Variants in TAOK3 observed in about 807,000 individuals in gnomAD.
TAOK3 encodes the protein TAO kinase 3.
In TAOK3, 40 loss-of-function variants were observed where a neutral mutation model predicts 120.4. The ratio of observed to expected loss-of-function variants is 0.33; its 90% confidence interval spans 0.26 to 0.43. The LOEUF (loss-of-function observed/expected upper bound fraction) is 0.43. TAOK3 is among the 20% of genes least tolerant of loss of function. The probability of loss-of-function intolerance (pLI) is 1.00; values close to 1 mark genes in which losing one functional copy is unlikely to be tolerated. For missense variants in TAOK3, 821 were observed against 1,112.1 expected (o/e 0.74, Z 3.72); for synonymous variants, 355 against 387.5 (o/e 0.92, Z 0.99).
At chr12:118,217,841 A>ACACTTTTTTTTTTTTT (rs2039006171) in intron 9 of TAOK3, among the ~76,000 whole-genome samples, 1 of 106,130 alleles carries the variant, frequency 9.4e-6, no homozygotes, top group African/African-American at 3.3e-5. Flanking sequence ...ATATATATAT[A>ACACTTTTTTTTTTTTT]TATATATATA....
chr12:118,295,304 G>T (rs2042637255), intron 1 of TAOK3: 1 of 152,262 alleles, frequency 6.6e-6, no homozygotes, highest in South Asian at 2.1e-4. Context: ...CTCCCAAAGT[G>T]CTGGGATTAC....
intron 1 of TAOK3, among the ~76,000 whole-genome samples, chr12:118,287,855 A>G (rs1359733950): frequency 6.6e-6 from 1 of 152,160 alleles, no homozygotes; most frequent in Non-Finnish European, 1.5e-5. Flanking sequence ...AAACACCTTT[A>G]GCCTCTGCAA....
At chr12:118,223,324 G>T (rs2039339454) in intron 9 of TAOK3, among the ~76,000 whole-genome samples, 1 of 151,098 alleles carries the variant, frequency 6.6e-6, no homozygotes, top group Non-Finnish European at 1.5e-5. Flanking sequence ...CTCCCAAAGT[G>T]CTGGGATTAC....
intron 9 of TAOK3, among the ~76,000 whole-genome samples, chr12:118,217,864 CTTTT>C (rs535188319): frequency 2.5e-5 from 1 of 40,720 alleles, no homozygotes; most frequent in South Asian, 1.3e-3. Context: ...TATATATACA[CTTTT>C]TTTTTTTTTT....
At chr12:118,276,412 T>C (rs2041904138) in intron 1 of TAOK3, among the ~76,000 whole-genome samples, 3 of 152,116 alleles carry the variant, frequency 2.0e-5, no homozygotes, top group Admixed American at 2.0e-4. Context: ...TTTATAAAAC[T>C]GTAATATGGC....
chr12:118,221,383 C>A (rs962593558), intron 9 of TAOK3, among the ~76,000 whole-genome samples: 2 of 152,014 alleles, frequency 1.3e-5, no homozygotes, highest in Non-Finnish European at 2.9e-5. Context: ...GCCACTGTGC[C>A]CAGCTAATTT....
At chr12:118,152,967 TA>T (rs1171381322) in intron 19 of TAOK3, among the ~76,000 whole-genome samples, 1 of 152,248 alleles carries the variant, frequency 6.6e-6, no homozygotes, top group Non-Finnish European at 1.5e-5. Flanking sequence ...ATCATTTAGA[TA>T]TGCTTAGCTC....
At chr12:118,226,394 C>T (rs983501736) in intron 9 of TAOK3, among the ~76,000 whole-genome samples, 61 of 151,536 alleles carry the variant, frequency 4.0e-4, no homozygotes, top group African/African-American at 1.4e-3. Context: ...ATTAGCCGGG[C>T]GTGGTGGCAG....
chr12:118,353,669 C>G (rs1272242225), intron 1 of TAOK3, among the ~76,000 whole-genome samples: 1 of 152,040 alleles, frequency 6.6e-6, no homozygotes, highest in African/African-American at 2.4e-5. Flanking sequence ...CAACAAGGGT[C>G]TGAATGGGAA....
chr12:118,282,279 T>C (rs1437762881), intron 1 of TAOK3, among the ~76,000 whole-genome samples: 1 of 152,250 alleles, frequency 6.6e-6, no homozygotes, highest in Non-Finnish European at 1.5e-5. Flanking sequence ...ACTCCAAGTA[T>C]GTAGTAGGTA....
At chr12:118,225,667 A>C (rs2039466877) in intron 9 of TAOK3, among the ~76,000 whole-genome samples, 1 of 152,200 alleles carries the variant, frequency 6.6e-6, no homozygotes, top group South Asian at 2.1e-4. Flanking sequence ...ACGATTTTAT[A>C]ATATGTATAA....
At chr12:118,309,601 C>T (rs1353937865) in intron 1 of TAOK3, among the ~76,000 whole-genome samples, 1 of 151,862 alleles carries the variant, frequency 6.6e-6, no homozygotes, top group Non-Finnish European at 1.5e-5. Flanking sequence ...CTGCAACCTC[C>T]GCCTTCCGGG....
At chr12:118,241,213 T>C (rs1170104517) in intron 5 of TAOK3, among the ~76,000 whole-genome samples, 1 of 151,344 alleles carries the variant, frequency 6.6e-6, no homozygotes, top group Non-Finnish European at 1.5e-5. Context: ...AACCATACTA[T>C]AGTTTTCTGC....
At chr12:118,167,087 A>G (rs571731155) in intron 17 of TAOK3, among the ~76,000 whole-genome samples, 1 of 152,320 alleles carries the variant, frequency 6.6e-6, no homozygotes, top group Admixed American at 6.5e-5. Flanking sequence ...CTGTCAGCCT[A>G]TGACATTTAA....
intron 1 of TAOK3, among the ~76,000 whole-genome samples, chr12:118,319,416 C>T (rs755307556): frequency 4.0e-5 from 6 of 151,260 alleles, no homozygotes; most frequent in Non-Finnish European, 7.4e-5. Flanking sequence ...TTTAGATAAT[C>T]TAAAATTGTT....
At chr12:118,315,349 A>C (rs2043417970) in intron 1 of TAOK3, among the ~76,000 whole-genome samples, 1 of 152,252 alleles carries the variant, frequency 6.6e-6, no homozygotes, top group African/African-American at 2.4e-5. Flanking sequence ...GCTAAATATA[A>C]ATTTATCAAT....
At chr12:118,170,967 G>A (rs2035962759) in intron 17 of TAOK3, among the ~76,000 whole-genome samples, 1 of 152,088 alleles carries the variant, frequency 6.6e-6, no homozygotes, top group East Asian at 1.9e-4. Context: ...CCCTCATGTA[G>A]GCTAACACTG....
At chr12:118,234,401 T>A (rs1008729901) in intron 8 of TAOK3, among the ~76,000 whole-genome samples, 3 of 151,554 alleles carry the variant, frequency 2.0e-5, no homozygotes, top group African/African-American at 7.3e-5. Flanking sequence ...CCTGCCACCA[T>A]GCCTGACTAA....
intron 9 of TAOK3, 149 bp from the exon 10 acceptor site, chr12:118,214,259 T>C (rs2038772907): frequency 1.6e-6 from 1 of 608,418 alleles, no homozygotes; most frequent in Non-Finnish European, 2.7e-6. Context: ...ATCTCTAAGG[T>C]TGGCCCAAGA....
Sources: gnomAD v4.1 joint callset for allele counts (sites outside exome capture counted in the v4.1 genomes callset) on GRCh38, gnomAD v4.1.1 for gene constraint, MANE v1.5 for transcripts, NCBI Gene and HGNC (gene_info 2026-07-23, HGNC 2026-07-21) for gene names.